ZDHHC17: variants seen among roughly 807,000 people sequenced by gnomAD.
ZDHHC17 encodes the protein palmitoyltransferase ZDHHC17.
Under a neutral mutation model 90.3 loss-of-function variants are expected in ZDHHC17, and 40 were observed. The observed-to-expected ratio is 0.44, with a 90% confidence interval of 0.34 to 0.58. ZDHHC17 has a LOEUF of 0.58. ZDHHC17 is among the 20% of genes least tolerant of loss of function. The probability of loss-of-function intolerance (pLI) is 0.01; values close to 1 mark genes in which losing one functional copy is unlikely to be tolerated. For synonymous variants in ZDHHC17, 235 were observed against 252.4 expected (o/e 0.93, Z 0.65); for missense variants, 614 against 780.8 (o/e 0.79, Z 2.55).
intron 3 of ZDHHC17, among the ~76,000 whole-genome samples, chr12:76,806,972 T>C (rs1952962238): frequency 6.6e-6 from 1 of 152,218 alleles, no homozygotes; most frequent in Non-Finnish European, 1.5e-5. Flanking sequence ...AATTCCTGAG[T>C]CTCAAACTTT....
chr12:76,770,143 A>G (rs1035762728), intron 1 of ZDHHC17, among the ~76,000 whole-genome samples: 12 of 152,204 alleles, frequency 7.9e-5, no homozygotes, highest in African/African-American at 2.7e-4. Flanking sequence ...GTGAGGATTA[A>G]GTGAGATAAT....
chr12:76,799,076 G>T (rs1421724949), intron 2 of ZDHHC17, among the ~76,000 whole-genome samples: 1 of 152,146 alleles, frequency 6.6e-6, no homozygotes, highest in African/African-American at 2.4e-5. Flanking sequence ...ATTCGAGGCT[G>T]CAGTGAGATA....
chr12:76,842,432 T>C (rs1444718508), intron 11 of ZDHHC17, among the ~76,000 whole-genome samples: 1 of 152,192 alleles, frequency 6.6e-6, no homozygotes, highest in Non-Finnish European at 1.5e-5. Flanking sequence ...TGAATGACTA[T>C]GTAAACTAGA....
intron 10 of ZDHHC17, among the ~76,000 whole-genome samples, chr12:76,836,890 A>G (rs1395904653): frequency 6.6e-6 from 1 of 152,214 alleles, no homozygotes; most frequent in East Asian, 1.9e-4. Flanking sequence ...ACCTTGTATC[A>G]ATATGTAGTG....
At chr12:76,850,589 T>G (rs1223473973) in intron 16 of ZDHHC17, among the ~76,000 whole-genome samples, 2 of 152,080 alleles carry the variant, frequency 1.3e-5, no homozygotes, top group Non-Finnish European at 2.9e-5. Context: ...ACACAGAAAG[T>G]ATATGCACAT....
At position 76,822,550 on chromosome 12, in the gene ZDHHC17, ATTTTTTTT is replaced by A. The variant is rs10618043; in HGVS notation, c.897+33_897+40del. On this transcript the variant is annotated intron_variant, in intron 8 of 16. Coordinates refer to ENST00000426126, the MANE Select transcript of ZDHHC17 (RefSeq NM_015336.4). ...TGATAAGGTAAACTCATAACTGAAG[ATTTTTTTT>A]TTTTTTTTTTTTTGAGACGGAGTTT... The A allele has an allele frequency of 4.1e-6, 5 of 1,215,506 alleles. No homozygotes were observed. The highest frequency in any genetic ancestry group is 3.0e-5 in the Admixed American group (1 of 33,874). The allele number at this position is 1,215,506 out of a possible 1,614,324, so 75.3% of individuals were successfully genotyped here.
intron 10 of ZDHHC17, among the ~76,000 whole-genome samples, chr12:76,830,014 A>G (rs1275630083): frequency 6.6e-6 from 1 of 152,154 alleles, no homozygotes; most frequent in Non-Finnish European, 1.5e-5. Context: ...TAAAACTAAT[A>G]TAATTGAAAT....
chr12:76,771,490 G>A (rs1245625986), intron 1 of ZDHHC17, among the ~76,000 whole-genome samples: 5 of 151,942 alleles, frequency 3.3e-5, no homozygotes, highest in South Asian at 2.1e-4. Flanking sequence ...ATACTGTTAG[G>A]GATATGAAGA....
chr12:76,804,656 G>C (rs1290471440), intron 2 of ZDHHC17, among the ~76,000 whole-genome samples: 2 of 152,158 alleles, frequency 1.3e-5, no homozygotes, highest in African/African-American at 4.8e-5. Context: ...AAAGGACGGG[G>C]TAAGGGGGAT....
chr12:76,841,832 CATT>C (rs1424687953), intron 10 of ZDHHC17, 147 bp from the exon 11 acceptor site: 9 of 482,306 alleles, frequency 1.9e-5, no homozygotes, highest in South Asian at 2.1e-4. Context: ...AAAGAAGTCA[CATT>C]ATTTTTACAT....
At chr12:76,778,431 C>T (rs1046969745) in intron 1 of ZDHHC17, among the ~76,000 whole-genome samples, 2 of 152,072 alleles carry the variant, frequency 1.3e-5, no homozygotes, top group Admixed American at 6.5e-5. Context: ...ATATGTTGGC[C>T]AGGCTGGTCT....
At chr12:76,802,445 C>T (rs367956436) in intron 2 of ZDHHC17, among the ~76,000 whole-genome samples, 3 of 152,126 alleles carry the variant, frequency 2.0e-5, no homozygotes, top group African/African-American at 7.2e-5. Flanking sequence ...GTTCCTTTTA[C>T]GTTGACTTCA....
At chr12:76,789,213 TAAAG>T (rs755359643) in intron 1 of ZDHHC17, among the ~76,000 whole-genome samples, 39 of 152,346 alleles carry the variant, frequency 2.6e-4, no homozygotes, top group Non-Finnish European at 4.6e-4. Context: ...TTAAATGAGT[TAAAG>T]AAAATATTTT....
At chr12:76,807,208 C>A (rs984971520) in intron 3 of ZDHHC17, among the ~76,000 whole-genome samples, 3 of 152,170 alleles carry the variant, frequency 2.0e-5, no homozygotes, top group Non-Finnish European at 4.4e-5. Context: ...AGAAAGCGTT[C>A]GAGCACTGTC....
In ZDHHC17 at chr12:76,849,323, C is replaced by CAAAAAAAAAAAAAA. The variant is rs34062414; in HGVS notation, c.1666-48_1666-35dup. 3.2e-4 allele frequency: 147 copies of CAAAAAAAAAAAAAA among 454,714 alleles called. 1 individual carries two copies. The highest frequency in any genetic ancestry group is 6.5e-4 in the Middle Eastern group (1 of 1,546). The allele number at this position is 454,714 out of a possible 1,614,324, so 28.2% of individuals were successfully genotyped here. A position where few individuals can be genotyped will look rare whatever the true frequency, so the allele number is the denominator to read the frequency against. On this transcript the variant is annotated intron_variant, in intron 15 of 16. Transcript: ENST00000426126. ...TGGGTGACAGGGCAAGGTCCTGTCT[C>CAAAAAAAAAAAAAA]AAAAAAAAAAAAAAAAAACAAGAAT...
chr12:76,827,098 A>G, intron 9 of ZDHHC17, 48 bp downstream of exon 9: 1 of 1,503,794 alleles, frequency 6.6e-7, no homozygotes, highest in Non-Finnish European at 8.8e-7. Flanking sequence ...ATGAAATAAT[A>G]TAATTTGTAC....
chr12:76,807,385 T>C (rs1230398178), intron 3 of ZDHHC17, among the ~76,000 whole-genome samples: 1 of 152,194 alleles, frequency 6.6e-6, no homozygotes, highest in Non-Finnish European at 1.5e-5. Context: ...TAAATATTTG[T>C]TGGTATCAGT....
Position 76,848,253 on chromosome 12 carries a change from A to T in ZDHHC17, c.1528A>T (p.Thr510Ser). 6.2e-7 allele frequency: 1 copy of T among 1,613,928 alleles called. No homozygotes were observed. The highest frequency in any genetic ancestry group is 8.5e-7 in the Non-Finnish European group (1 of 1,179,846). The change falls in exon 15 of 17, where the codon ACC becomes TCC. Residue 510 changes from threonine to serine, a missense_variant. Physicochemically the swap from Thr to Ser is moderately conservative, Grantham distance 58. This residue lies in a region of ZDHHC17 where 111 missense variants were observed against 179.8 expected (regional missense o/e 0.62). Transcript: ENST00000426126. ...TTTAGACTGGGGACTCCACTGTGAGACCACTTACACCAAGGATGGATTTTG... is the reference window on the plus strand; with the variant it reads ...TTTAGACTGGGGACTCCACTGTGAGTCCACTTACACCAAGGATGGATTTTG... ...CISYWGLHCE[T>S]TYTKDGFWTY... is the part of the protein sequence containing the mutation.
intron 7 of ZDHHC17, among the ~76,000 whole-genome samples, chr12:76,818,154 G>A (rs960110752): frequency 1.3e-5 from 2 of 152,126 alleles, no homozygotes; most frequent in Admixed American, 6.6e-5. Flanking sequence ...AGGAATTATT[G>A]TATTTGCTCA....
Sources: gnomAD v4.1 joint callset for allele counts (sites outside exome capture counted in the v4.1 genomes callset) on GRCh38, gnomAD v4.1.1 for gene constraint, gnomAD v4.1.1 regional missense constraint, MANE v1.5 for transcripts, NCBI Gene and HGNC (gene_info 2026-07-23, HGNC 2026-07-21) for gene names.